The following KIF5B variants were observed in gnomAD, a reference collection of about 807,000 sequenced individuals.
KIF5B encodes kinesin family member 5B.
In KIF5B, 49 loss-of-function variants were observed where a neutral mutation model predicts 132.8. The observed-to-expected ratio is 0.37, with a 90% CI of 0.29 to 0.47. The LOEUF is 0.47. Among genes scored for constraint, KIF5B ranks in the 20% least tolerant of loss-of-function variants. KIF5B has a pLI of 1.00. For missense variants in KIF5B, 780 were observed against 1,144.0 expected (o/e 0.68, Z 4.59); for synonymous variants, 355 against 369.4 (o/e 0.96, Z 0.45).
At chr10:32,024,978 G>T (rs1841315765) in intron 15 of KIF5B, among the ~76,000 whole-genome samples, 1 of 152,098 alleles carries the variant, frequency 6.6e-6, no homozygotes, top group Non-Finnish European at 1.5e-5. Flanking sequence ...TTGGCAGGCT[G>T]AGGCAGAAGA....
At chr10:32,018,703 T>A (rs1456561557) in intron 20 of KIF5B, 141 bp from the exon 21 acceptor site, 1 of 678,244 alleles carries the variant, frequency 1.5e-6, no homozygotes, top group Non-Finnish European at 2.3e-6. Context: ...TTTAAACAAT[T>A]TACCTGTGCT....
chr10:32,054,566 C>T (rs962394148), intron 1 of KIF5B, among the ~76,000 whole-genome samples: 1 of 152,170 alleles, frequency 6.6e-6, no homozygotes, highest in Non-Finnish European at 1.5e-5. Flanking sequence ...CATCCATGTC[C>T]CATCTCCTGT....
At chr10:32,050,473 C>T (rs1338920680) in intron 1 of KIF5B, among the ~76,000 whole-genome samples, 1 of 152,176 alleles carries the variant, frequency 6.6e-6, no homozygotes, top group Non-Finnish European at 1.5e-5. Context: ...ATGCCTGGAG[C>T]TGTAGCATCC....
intron 20 of KIF5B, 55 bp downstream of exon 20, chr10:32,019,803 A>G: frequency 1.6e-6 from 2 of 1,240,598 alleles, no homozygotes; most frequent in Non-Finnish European, 2.3e-6. Flanking sequence ...GGTAATGCCT[A>G]TAATCCTCTA....
At chr10:32,051,050 TG>T (rs1194373327) in intron 1 of KIF5B, among the ~76,000 whole-genome samples, 1 of 152,216 alleles carries the variant, frequency 6.6e-6, no homozygotes, top group Non-Finnish European at 1.5e-5. Flanking sequence ...TAGTACAGAC[TG>T]TAGGGTTCAA....
At chr10:32,013,472 A>G (rs1841112910) in intron 25 of KIF5B, among the ~76,000 whole-genome samples, 1 of 152,212 alleles carries the variant, frequency 6.6e-6, no homozygotes, top group Admixed American at 6.5e-5. Context: ...AACTGGGCCT[A>G]CTCAGTAAGT....
chr10:32,033,277 G>A (rs1163098187), intron 12 of KIF5B, among the ~76,000 whole-genome samples: 3 of 152,118 alleles, frequency 2.0e-5, no homozygotes, highest in Admixed American at 6.6e-5. Flanking sequence ...TAGAACAGGG[G>A]TCCCCAAGCC....
chr10:32,054,998 ATCT>A (rs1841734918), intron 1 of KIF5B, among the ~76,000 whole-genome samples: 1 of 152,198 alleles, frequency 6.6e-6, no homozygotes, highest in African/African-American at 2.4e-5. Context: ...GTCAATTTTT[ATCT>A]TTTTTATAAG....
chr10:32,019,889 G>T lies in KIF5B; in HGVS notation c.2275C>A (p.Gln759Lys). 1 of 1,611,148 alleles carries T rather than the reference G, an allele frequency of 6.2e-7. No individual in the cohort carries two copies. Among genetic ancestry groups the T allele is most frequent in the Non-Finnish European group, 8.5e-7 (1 of 1,178,710 alleles). Residue 759 changes from glutamine (Q) to lysine (K), a missense_variant, in exon 20 of 26, where the codon CAG (glutamine) becomes AAG (lysine). Coordinates refer to ENST00000302418, the MANE Select transcript of KIF5B (RefSeq NM_004521.3). The part of the protein sequence containing the change: ...VEHEKLKATD[Q>K]EKSRKLHELT... Reference sequence around the variant, plus strand: ...TCATGTAGTTTTCTGCTCTTTTCCTGATCTGTGGCTTTCAACTTCTCATGT... The same window carrying T: ...TCATGTAGTTTTCTGCTCTTTTCCTTATCTGTGGCTTTCAACTTCTCATGT...
At chr10:32,019,019 C>T (rs920485537) in intron 20 of KIF5B, among the ~76,000 whole-genome samples, 1 of 11,730 alleles carries the variant, frequency 8.5e-5, no homozygotes, top group Middle Eastern at 0.05. Flanking sequence ...TTTCATATGC[C>T]TTCTAAACAA....
intron 2 of KIF5B, among the ~76,000 whole-genome samples, chr10:32,043,505 A>T (rs528187732): frequency 5.3e-4 from 81 of 152,330 alleles, no homozygotes; most frequent in African/African-American, 1.9e-3. Context: ...GGTAGGCTAC[A>T]TCTGGAAAAA....
At chr10:32,034,062 T>A (rs1440447093) in intron 11 of KIF5B, 24 bp from the exon 12 acceptor site, 1 of 1,452,244 alleles carries the variant, frequency 6.9e-7, no homozygotes, top group Non-Finnish European at 9.3e-7. Flanking sequence ...ATAAAGTGGT[T>A]AATAAAAAAA....
At position 32,040,377 on chromosome 10, in the gene KIF5B, A is replaced by C. The variant is rs1361134300; in HGVS notation, c.288+7T>G. ...ACCACATCTAAGTACAGATTATAAAACGTTACCTCCATTGTGTGTGTCTTC... is the reference window on the plus strand; with the variant it reads ...ACCACATCTAAGTACAGATTATAAACCGTTACCTCCATTGTGTGTGTCTTC... On this transcript the variant is annotated splice_region_variant and intron_variant, in intron 3 of 25. Coordinates refer to ENST00000302418, the MANE Select transcript of KIF5B (RefSeq NM_004521.3). 1.3e-6 allele frequency: 2 copies of C among 1,549,708 alleles called. No homozygotes were observed. Among genetic ancestry groups the C allele is most frequent in the East Asian group, 2.2e-5 (1 of 44,466 alleles).
chr10:32,019,820 CT>C (rs1393885042), intron 20 of KIF5B, 37 bp downstream of exon 20: 3 of 1,391,910 alleles, frequency 2.2e-6, no homozygotes, highest in Non-Finnish European at 3.0e-6. Flanking sequence ...TCTAATTTAG[CT>C]TTTATTTTTA....
At chr10:32,019,128 A>T (rs1049986308) in intron 20 of KIF5B, among the ~76,000 whole-genome samples, 1 of 152,232 alleles carries the variant, frequency 6.6e-6, no homozygotes, top group African/African-American at 2.4e-5. Flanking sequence ...TTTATATTTT[A>T]AAATATGCCA....
rs1254651489 is a variant in KIF5B at position 32,056,157 on chromosome 10, G to A, written c.-184C>T. 4 of 641,870 alleles carry A rather than the reference G, an allele frequency of 6.2e-6. No homozygotes were observed. Among genetic ancestry groups the A allele is most frequent in the African/African-American group, 3.8e-5 (2 of 52,150 alleles). The allele number at this position is 641,870 out of a possible 1,614,324, so 39.8% of individuals were successfully genotyped here. ...GGGACTTGAAGAGCCGGCGCCGGCA[G>A]CCGTTAACCCTAATGCTCACTTCCG... is the stretch of plus-strand genomic sequence containing the variant. On this transcript the variant is annotated 5_prime_UTR_variant, in exon 1 of 26. Coordinates refer to ENST00000302418, the MANE Select transcript of KIF5B (RefSeq NM_004521.3).
chr10:32,034,605 A>T, intron 11 of KIF5B, 85 bp downstream of exon 11: 1 of 984,232 alleles, frequency 1.0e-6, no homozygotes, highest in Non-Finnish European at 1.4e-6. Flanking sequence ...CTAGTCACTT[A>T]CTGATTTTGC....
At chr10:32,048,657 C>T (rs896014010) in intron 1 of KIF5B, 106 bp from the exon 2 acceptor site, 2 of 702,330 alleles carry the variant, frequency 2.8e-6, no homozygotes, top group Non-Finnish European at 4.8e-6. Flanking sequence ...AAATAGTATA[C>T]CTAGTATGCA....
intron 25 of KIF5B, among the ~76,000 whole-genome samples, chr10:32,012,357 C>A (rs565869190): frequency 6.6e-6 from 1 of 152,260 alleles, no homozygotes; most frequent in South Asian, 2.1e-4. Context: ...CGCCTGTAAT[C>A]CCAGCTACTC....
Sources: gnomAD v4.1 joint callset for allele counts (sites outside exome capture counted in the v4.1 genomes callset) on GRCh38, gnomAD v4.1.1 for gene constraint, MANE v1.5 for transcripts, NCBI Gene and HGNC (gene_info 2026-07-23, HGNC 2026-07-21) for gene names.